Variants in CCDC102B observed in about 807,000 individuals in gnomAD.
CCDC102B encodes coiled-coil domain containing 102B, also known as coiled-coil domain-containing protein 102B.
CCDC102B carries 75 observed loss-of-function variants against 57.4 expected under a neutral mutation model. The ratio of observed to expected loss-of-function variants is 1.31; its 90% CI spans 1.08 to 1.58. CCDC102B has a LOEUF of 1.58. Ranked by LOEUF, CCDC102B falls within the 40% of genes most tolerant of loss-of-function variation. CCDC102B has a pLI of 0.00. For synonymous variants in CCDC102B, 206 were observed against 201.9 expected (o/e 1.02, Z -0.17); for missense variants, 636 against 582.6 (o/e 1.09, Z -0.94).
At chr18:68,988,062 A>G (rs1311017575) in intron 6 of CCDC102B, among the ~76,000 whole-genome samples, 3 of 152,222 alleles carry the variant, frequency 2.0e-5, no homozygotes, top group African/African-American at 7.2e-5. Context: ...CTGAAAGAAT[A>G]TAAACGATTC....
chr18:68,745,059 T>A (rs980943049), intron 2 of CCDC102B, among the ~76,000 whole-genome samples: 7 of 152,160 alleles, frequency 4.6e-5, no homozygotes, highest in Non-Finnish European at 7.3e-5. Context: ...CTATTCATCT[T>A]CACTTCTGGA....
chr18:69,048,791 A>G (rs902746129), intron 7 of CCDC102B, among the ~76,000 whole-genome samples: 1 of 151,976 alleles, frequency 6.6e-6, no homozygotes, highest in African/African-American at 2.4e-5. Flanking sequence ...ATTTAACTTG[A>G]TTTCACTTTA....
chr18:68,873,601 G>C (rs1227007971), intron 4 of CCDC102B, among the ~76,000 whole-genome samples: 1 of 151,994 alleles, frequency 6.6e-6, no homozygotes, highest in Non-Finnish European at 1.5e-5. Context: ...ATAATGATAA[G>C]AATACCTAAC....
At chr18:68,942,433 C>T (rs76646490) in intron 6 of CCDC102B, among the ~76,000 whole-genome samples, 1 of 151,914 alleles carries the variant, frequency 6.6e-6, no homozygotes, top group Admixed American at 6.6e-5. Context: ...TCTCTGAGTT[C>T]CCTCAGTATT....
intron 2 of CCDC102B, among the ~76,000 whole-genome samples, chr18:68,758,114 A>G (rs1455678926): frequency 6.6e-6 from 1 of 151,962 alleles, no homozygotes; most frequent in Non-Finnish European, 1.5e-5. Context: ...ATACATTTTC[A>G]TTTTATTTAA....
chr18:68,730,504 A>G (rs1410514881), intron 2 of CCDC102B, among the ~76,000 whole-genome samples: 2 of 152,176 alleles, frequency 1.3e-5, no homozygotes, highest in Admixed American at 6.5e-5. Context: ...CCATTTTTTC[A>G]TAATTTCAAC....
chr18:68,770,575 A>T (rs571080032), intron 2 of CCDC102B, among the ~76,000 whole-genome samples: 75 of 152,336 alleles, frequency 4.9e-4, no homozygotes, highest in Middle Eastern at 3.4e-3. Context: ...ATTGTGGCTA[A>T]TAATTCAACC....
intron 5 of CCDC102B, among the ~76,000 whole-genome samples, chr18:68,883,424 G>A (rs1010617370): frequency 4.6e-5 from 7 of 151,914 alleles, no homozygotes; most frequent in Non-Finnish European, 7.4e-5. Flanking sequence ...AAAAAAAAAT[G>A]TATATGTATA....
intron 2 of CCDC102B, among the ~76,000 whole-genome samples, chr18:68,774,041 A>AAC (rs906971467): frequency 1.1e-4 from 17 of 151,844 alleles, no homozygotes; most frequent in Admixed American, 9.8e-4. Context: ...CCATACAAGA[A>AAC]ACACACACAC....
upstream of CCDC102B, among the ~76,000 whole-genome samples, chr18:68,793,513 A>G (rs1555702090): frequency 6.6e-6 from 1 of 152,174 alleles, no homozygotes; most frequent in Non-Finnish European, 1.5e-5. Flanking sequence ...TTGATAGTAT[A>G]TCTTTCTAAT....
chr18:68,800,837 A>G (rs1568257626), intron 1 of CCDC102B, among the ~76,000 whole-genome samples: 1 of 152,204 alleles, frequency 6.6e-6, no homozygotes, highest in Non-Finnish European at 1.5e-5. Flanking sequence ...GAAATACAGT[A>G]CATTCACAGT....
intron 1 of CCDC102B, among the ~76,000 whole-genome samples, chr18:68,831,204 T>C (rs914577600): frequency 6.6e-6 from 1 of 152,090 alleles, no homozygotes; most frequent in East Asian, 1.9e-4. Context: ...AGAAACGTAA[T>C]ATTTTTATCA....
At chr18:68,722,032 G>A (rs2032358962) in intron 2 of CCDC102B, among the ~76,000 whole-genome samples, 1 of 152,190 alleles carries the variant, frequency 6.6e-6, no homozygotes, top group African/African-American at 2.4e-5. Flanking sequence ...CGAAGTAAGG[G>A]ATTGTTCTGT....
chr18:69,054,021 C>T lies in CCDC102B; in HGVS notation c.1435-9C>T, dbSNP rs532190504. ...AACCTAACTAAAGCATTTTCTACTT[C>T]GCTTTCAGCTTGATGATTCCCTGAA... On this transcript the variant is annotated splice_polypyrimidine_tract_variant and intron_variant, in intron 7 of 7. Transcript: ENST00000360242. The T allele has an allele frequency of 1.1e-5, 17 of 1,595,894 alleles. No individual in the cohort carries two copies. Among genetic ancestry groups the T allele is most frequent in the African/African-American group, 5.4e-5 (4 of 73,774 alleles).
rs142514263 is a variant in CCDC102B at position 68,955,048 on chromosome 18, T to C, written c.1264-55886T>C. On this transcript the variant is annotated intron_variant, in intron 6 of 7. Transcript: ENST00000360242. Reference sequence around the variant, plus strand: ...TACTATCACACCTCTATTTTGCTTTTGTCACTCACTCTTCCTGAAAACTGT... The same window carrying C: ...TACTATCACACCTCTATTTTGCTTTCGTCACTCACTCTTCCTGAAAACTGT... Among the ~76,000 whole-genome samples the C allele has an allele frequency of 9.9e-4, 151 of 152,312 alleles. No individual in the cohort carries two copies. In the Middle Eastern group the frequency reaches 0.014, roughly 14 times the overall value.
chr18:69,022,224 A>ATATATAT (rs1568131201), intron 7 of CCDC102B, among the ~76,000 whole-genome samples: 10 of 111,776 alleles, frequency 8.9e-5, no homozygotes, highest in African/African-American at 4.8e-4. Context: ...TATATATATA[A>ATATATAT]CACACACACA....
rs561390192 is a variant in CCDC102B, at chr18:68,981,971, T to TA, written c.1264-28956dup. ...TTCCATGTTGTACTTAAAGTATAAT[T>TA]AAAAAAATAAATAAATAAATAAAAA... On this transcript the variant is annotated intron_variant, in intron 6 of 7. Coordinates refer to ENST00000360242, the MANE Select transcript of CCDC102B (RefSeq NM_024781.3). Among the ~76,000 whole-genome samples the TA allele has an allele frequency of 3.3e-5, 5 of 151,802 alleles. No individual in the cohort carries two copies. In the South Asian group the frequency reaches 1.0e-3, roughly 32 times the overall value.
chr18:68,960,525 C>T (rs549748294), intron 6 of CCDC102B, among the ~76,000 whole-genome samples: 9 of 152,204 alleles, frequency 5.9e-5, no homozygotes, highest in African/African-American at 1.7e-4. Flanking sequence ...TGGCGTTTCA[C>T]GGAGTGGTGT....
At chr18:69,050,164 C>T (rs1202390903) in intron 7 of CCDC102B, among the ~76,000 whole-genome samples, 1 of 138,092 alleles carries the variant, frequency 7.2e-6, no homozygotes, top group Non-Finnish European at 1.5e-5. Context: ...GTTGAAGGAG[C>T]AAATTACAGA....
Sources: allele counts gnomAD v4.1 joint callset (sites outside exome capture counted in the v4.1 genomes callset), GRCh38; gene constraint gnomAD v4.1.1; transcripts MANE v1.5; gene names NCBI Gene and HGNC (gene_info 2026-07-23, HGNC 2026-07-21).